Variants in SLC12A6 observed in about 807,000 individuals in gnomAD.
SLC12A6 encodes K-Cl cotransporter 3.
Under a neutral mutation model 135.3 loss-of-function variants are expected in SLC12A6, and 66 were observed. That is an observed-to-expected ratio of 0.49 (90% CI 0.40 to 0.60). The LOEUF (loss-of-function observed/expected upper bound fraction) is 0.60, where lower values mean the gene tolerates loss of function less well. Ranked by LOEUF, SLC12A6 falls within the 20% of genes least tolerant of loss-of-function variation. The pLI is 0.00. For missense variants in SLC12A6, 1,058 were observed against 1,452.3 expected (o/e 0.73, Z 4.41); for synonymous variants, 513 against 508.8 (o/e 1.01, Z -0.11).
chr15:34,290,001 AT>A (rs1247318610), intron 2 of SLC12A6, among the ~76,000 whole-genome samples: 1 of 151,972 alleles, frequency 6.6e-6, no homozygotes, highest in East Asian at 1.9e-4. Flanking sequence ...CTTAGTAACT[AT>A]TTCTTGCCTT....
At chr15:34,314,754 A>C (rs1888512390) in intron 2 of SLC12A6, 1 of 152,780 alleles carries the variant, frequency 6.5e-6, no homozygotes, top group African/African-American at 2.4e-5. Context: ...GGTATTTACA[A>C]CTAACTGATC....
At chr15:34,259,401 A>G (rs566570552) in intron 4 of SLC12A6, among the ~76,000 whole-genome samples, 32 of 151,942 alleles carry the variant, frequency 2.1e-4, no homozygotes, top group Non-Finnish European at 4.6e-4. Flanking sequence ...TGCTAACCCA[A>G]TGCTATGGGA....
intron 2 of SLC12A6, among the ~76,000 whole-genome samples, chr15:34,301,545 A>C (rs1896257647): frequency 6.6e-6 from 1 of 152,244 alleles, no homozygotes; most frequent in African/African-American, 2.4e-5. Flanking sequence ...ACTAGAAGGA[A>C]GAAAATGGTA....
intron 2 of SLC12A6, among the ~76,000 whole-genome samples, chr15:34,304,996 C>A (rs570707902): frequency 6.6e-6 from 1 of 152,288 alleles, no homozygotes; most frequent in African/African-American, 2.4e-5. Context: ...TGTTTCCCCT[C>A]ATAGGGGAGA....
rs1644013725 is a variant in SLC12A6 at position 34,260,846 on chromosome 15, A to T, written c.411+80T>A. ...AAATTATCCAGCTTGTAAAATTTTT[A>T]AACCAAATGGGGTAAAATATGGCTA... On this transcript the variant is annotated intron_variant, in intron 4 of 25. Transcript: ENST00000354181. 4 of 746,012 alleles carry T rather than the reference A, an allele frequency of 5.4e-6. No individual in the cohort carries two copies. The Admixed American group carries it at 8.0e-5, about 15-fold the overall frequency. The allele number at this position is 746,012 out of a possible 1,614,324, so 46.2% of individuals were successfully genotyped here. A position where few individuals can be genotyped will look rare whatever the true frequency, so the allele number is the denominator to read the frequency against.
chr15:34,241,001 G>C, intron 18 of SLC12A6, 172 bp from the exon 19 acceptor site: 2 of 672,782 alleles, frequency 3.0e-6, no homozygotes, highest in South Asian at 3.3e-5. Context: ...AATGCTCCCA[G>C]TACTATCTCA....
intron 2 of SLC12A6, among the ~76,000 whole-genome samples, chr15:34,290,399 T>C (rs981526788): frequency 2.0e-5 from 3 of 152,190 alleles, no homozygotes; most frequent in South Asian, 4.1e-4. Context: ...TTACTTTCAA[T>C]TACGTGGTCA....
At chr15:34,267,390 T>C (rs1456187620) in intron 3 of SLC12A6, among the ~76,000 whole-genome samples, 2 of 152,226 alleles carry the variant, frequency 1.3e-5, no homozygotes, top group Non-Finnish European at 2.9e-5. Flanking sequence ...TATTCTTTCT[T>C]GAGGTATATT....
intron 14 of SLC12A6, 84 bp downstream of exon 14, chr15:34,245,609 A>G (rs1008516055): frequency 8.3e-7 from 1 of 1,209,550 alleles, no homozygotes; most frequent in African/African-American, 1.5e-5. Flanking sequence ...TTTATGATCT[A>G]GTAATTTCTA....
At chr15:34,318,486 T>C in intron 2 of SLC12A6, 1 of 1,189,844 alleles carries the variant, frequency 8.4e-7, no homozygotes, top group Non-Finnish European at 1.3e-6. Flanking sequence ...GAAGGCATTT[T>C]GAATTTTGAT....
At chr15:34,333,331 G>A (rs1479135024) in intron 2 of SLC12A6, among the ~76,000 whole-genome samples, 1 of 150,870 alleles carries the variant, frequency 6.6e-6, no homozygotes, top group Admixed American at 6.6e-5. Context: ...CTGGATTCAA[G>A]CAATTCTCCT....
chr15:34,336,920 A>C (rs576671324), intron 1 of SLC12A6, 168 bp from the exon 2 acceptor site: 2 of 562,200 alleles, frequency 3.6e-6, no homozygotes, highest in African/African-American at 3.8e-5. Flanking sequence ...AAAACAAAAA[A>C]CAAAAAGACA....
At position 34,320,504 on chromosome 15, in the gene SLC12A6, A is replaced by C. The variant is rs188493242; in HGVS notation, c.271+15906T>G. Among the ~76,000 whole-genome samples the C allele has an allele frequency of 5.9e-3, 891 of 152,242 alleles. 7 individuals carry two copies. Among genetic ancestry groups the C allele is most frequent in the Middle Eastern group, 0.01 (3 of 294 alleles). ...AGGCTAGGAAGGGTAGGGGGGAAGG[A>C]GGATTAAAGAGGAAAAAAAGAAGGT... is the stretch of plus-strand genomic sequence containing the variant. On this transcript the variant is annotated intron_variant, in intron 2 of 25. Coordinates refer to ENST00000354181, the MANE Select transcript of SLC12A6 (RefSeq NM_001365088.1).
chr15:34,319,237 G>C (rs997346528), intron 2 of SLC12A6, among the ~76,000 whole-genome samples: 1 of 150,766 alleles, frequency 6.6e-6, no homozygotes, highest in African/African-American at 2.4e-5. Context: ...CCAGGTTCAA[G>C]CGATTCTCCT....
At chr15:34,297,381 T>G (rs1405220137) in intron 2 of SLC12A6, among the ~76,000 whole-genome samples, 2 of 152,194 alleles carry the variant, frequency 1.3e-5, no homozygotes, top group East Asian at 3.8e-4. Context: ...ATAGAAAGAT[T>G]ACAAAGGTAG....
intron 2 of SLC12A6, among the ~76,000 whole-genome samples, chr15:34,305,914 C>T (rs1305961761): frequency 3.9e-5 from 6 of 151,994 alleles, no homozygotes; most frequent in South Asian, 2.1e-4. Context: ...CCCACCACCG[C>T]GCCCGGCTAA....
chr15:34,241,981 C>T, intron 17 of SLC12A6, 121 bp downstream of exon 17: 1 of 772,564 alleles, frequency 1.3e-6, no homozygotes, highest in East Asian at 2.5e-5. Flanking sequence ...ATTAGGGGTA[C>T]AAAATATAGT....
chr15:34,283,051 G>A (rs1023363408), intron 2 of SLC12A6, among the ~76,000 whole-genome samples: 1 of 152,260 alleles, frequency 6.6e-6, no homozygotes, highest in African/African-American at 2.4e-5. Context: ...AATAAGAAAA[G>A]AAAATTAATA....
intron 2 of SLC12A6, among the ~76,000 whole-genome samples, chr15:34,325,787 T>G (rs1166762640): frequency 6.6e-6 from 1 of 152,152 alleles, no homozygotes; most frequent in Non-Finnish European, 1.5e-5. Flanking sequence ...GAGTGCCCAC[T>G]AAGTGCCAAG....
Sources: gnomAD v4.1 joint callset for allele counts (sites outside exome capture counted in the v4.1 genomes callset) on GRCh38, gnomAD v4.1.1 for gene constraint, MANE v1.5 for transcripts, NCBI Gene and HGNC (gene_info 2026-07-23, HGNC 2026-07-21) for gene names.